LRRC37A2: variants seen among roughly 807,000 people sequenced by gnomAD.
LRRC37A2 encodes leucine-rich repeat-containing protein 37A2.
Under a neutral mutation model 68.8 loss-of-function variants are expected in LRRC37A2, and 9 were observed. The ratio of observed to expected loss-of-function variants is 0.13; its 90% CI spans 0.08 to 0.23. The LOEUF is 0.23. Ranked by LOEUF, LRRC37A2 falls within the 10% of genes least tolerant of loss-of-function variation. The pLI is 1.00. For missense variants in LRRC37A2, 168 were observed against 950.4 expected, an observed-to-expected ratio of 0.18 and a Z score of 10.82; for synonymous variants, 63 against 367.6, an observed-to-expected ratio of 0.17 and a Z score of 9.48.
At chr17:46,872,540 C>A in the LRRC37A2 span, 2 of 1,559,326 alleles carry the variant, frequency 1.3e-6, no homozygotes, top group Non-Finnish European at 1.7e-6. Context: ...GAAGTCCTGA[C>A]GCCCTTCCCA....
chr17:46,969,740 C>T, the LRRC37A2 span, among the ~76,000 whole-genome samples: 2 of 152,222 alleles, frequency 1.3e-5, no homozygotes, highest in African/African-American at 4.8e-5. Context: ...AACTTCAAAC[C>T]AGTGAGATGG....
At chr17:46,823,416 G>A in the LRRC37A2 span, among the ~76,000 whole-genome samples, 6 of 150,602 alleles carry the variant, frequency 4.0e-5, no homozygotes, top group Admixed American at 1.3e-4. Context: ...GGGTTTCACC[G>A]TGTTGGCCAG....
chr17:46,999,112 T>G, the LRRC37A2 span, among the ~76,000 whole-genome samples: 5 of 152,176 alleles, frequency 3.3e-5, no homozygotes, highest in South Asian at 1.0e-3. Context: ...GTTCAACACA[T>G]GAACTAAGTA....
chr17:46,835,929 C>T, the LRRC37A2 span, among the ~76,000 whole-genome samples: 1 of 152,224 alleles, frequency 6.6e-6, no homozygotes, highest in Non-Finnish European at 1.5e-5. Context: ...GGACAGGACT[C>T]TCCTGGTGGG....
the LRRC37A2 span, among the ~76,000 whole-genome samples, chr17:46,715,534 T>G: frequency 6.6e-6 from 1 of 152,234 alleles, no homozygotes. Flanking sequence ...GATGGTAAAT[T>G]ACTCCATTGC....
At chr17:46,929,256 C>CT in the LRRC37A2 span, among the ~76,000 whole-genome samples, 1 of 152,140 alleles carries the variant, frequency 6.6e-6, no homozygotes, top group East Asian at 1.9e-4. Context: ...GATAATGGTA[C>CT]TTTCCTCATA....
the LRRC37A2 span, among the ~76,000 whole-genome samples, chr17:46,838,088 C>T: frequency 6.6e-6 from 1 of 152,126 alleles, no homozygotes; most frequent in Non-Finnish European, 1.5e-5. Context: ...GCATTTTCTG[C>T]CCCCTCTTCA....
the LRRC37A2 span, among the ~76,000 whole-genome samples, chr17:46,723,665 A>G: frequency 6.6e-6 from 1 of 152,126 alleles, no homozygotes; most frequent in Non-Finnish European, 1.5e-5. Flanking sequence ...ATCAGGACAG[A>G]TCCTTGACTC....
At chr17:47,037,761 T>C in the LRRC37A2 span, among the ~76,000 whole-genome samples, 1 of 152,238 alleles carries the variant, frequency 6.6e-6, no homozygotes, top group Non-Finnish European at 1.5e-5. Flanking sequence ...TCAGCTTTTC[T>C]TAGTGGAAAG....
rs1243862754 is a variant in LRRC37A2, at chr17:46,553,387, T to G, written c.4810-13T>G. On this transcript the variant is annotated splice_polypyrimidine_tract_variant and intron_variant, in intron 11 of 14. Coordinates refer to ENST00000576629, the Ensembl canonical transcript of LRRC37A2. ...GTCATAGATAATCTTAATTGCGTTTTCTTCTAAAACAGATATGTTGTCACC... is the reference window on the plus strand; with the variant it reads ...GTCATAGATAATCTTAATTGCGTTTGCTTCTAAAACAGATATGTTGTCACC... 6.2e-7 allele frequency: 1 copy of G among 1,609,534 alleles called. No homozygotes were observed. Among genetic ancestry groups the G allele is most frequent in the Admixed American group, 1.7e-5 (1 of 59,744 alleles).
the LRRC37A2 span, chr17:47,017,072 G>A: frequency 8.2e-5 from 115 of 1,402,908 alleles, 1 homozygote; most frequent in South Asian, 9.3e-5. Flanking sequence ...GTGCTTGGGC[G>A]GGATTGTGAC....
At chr17:47,022,775 A>G in the LRRC37A2 span, among the ~76,000 whole-genome samples, 1 of 152,176 alleles carries the variant, frequency 6.6e-6, no homozygotes, top group Non-Finnish European at 1.5e-5. Flanking sequence ...ACTCCTGCAT[A>G]ATCCATAGTA....
the LRRC37A2 span, among the ~76,000 whole-genome samples, chr17:46,902,373 G>A: frequency 2.0e-5 from 3 of 152,196 alleles, no homozygotes; most frequent in Non-Finnish European, 4.4e-5. Context: ...TGTCTGTGAT[G>A]CGGAGGGTGC....
the LRRC37A2 span, among the ~76,000 whole-genome samples, chr17:46,958,982 T>C: frequency 6.6e-6 from 1 of 152,158 alleles, no homozygotes; most frequent in Non-Finnish European, 1.5e-5. Flanking sequence ...TCACTGCCAA[T>C]GCAAAAATAA....
At chr17:46,817,641 C>G in the LRRC37A2 span, among the ~76,000 whole-genome samples, 2 of 147,034 alleles carry the variant, frequency 1.4e-5, no homozygotes, top group Non-Finnish European at 3.0e-5. Flanking sequence ...CAGCCCCCCC[C>G]AAGCACTGCT....
the LRRC37A2 span, among the ~76,000 whole-genome samples, chr17:46,377,552 A>T: frequency 2.5e-5 from 1 of 39,386 alleles, no homozygotes; most frequent in East Asian, 2.6e-4. Flanking sequence ...CATTGAATTT[A>T]TTCCTCCTAT....
At chr17:46,726,505 C>A in the LRRC37A2 span, 1 of 1,565,586 alleles carries the variant, frequency 6.4e-7, no homozygotes, top group African/African-American at 1.4e-5. Context: ...ATTGTCGTAA[C>A]TGTGGAGGAC....
the LRRC37A2 span, among the ~76,000 whole-genome samples, chr17:46,881,103 C>T: frequency 6.6e-6 from 1 of 152,232 alleles, no homozygotes; most frequent in Non-Finnish European, 1.5e-5. Context: ...TCCTGGGGGT[C>T]TGATGGGAGA....
At chr17:46,857,574 G>A in the LRRC37A2 span, among the ~76,000 whole-genome samples, 1 of 152,074 alleles carries the variant, frequency 6.6e-6, no homozygotes, top group East Asian at 1.9e-4. Flanking sequence ...CTTTTTGTGG[G>A]TGTATGTTTT....
Sources: gnomAD v4.1 joint callset for allele counts (sites outside exome capture counted in the v4.1 genomes callset) on GRCh38, gnomAD v4.1.1 for gene constraint, MANE v1.5 for transcripts, NCBI Gene and HGNC (gene_info 2026-07-23, HGNC 2026-07-21) for gene names.